The following OR1A1 variants were observed in gnomAD, a reference collection of about 807,000 sequenced individuals.
OR1A1 encodes the protein olfactory receptor 1A1.
For synonymous variants in OR1A1, 145 were observed against 147.8 expected (o/e 0.98, Z 0.13); for missense variants, 391 against 379.9 (o/e 1.03, Z -0.24).
rs564098033 is a variant in OR1A1 at position 3,215,831 on chromosome 17, A to T, written c.211A>T (p.Ile71Phe). 5 of 1,613,992 alleles carry T rather than the reference A, an allele frequency of 3.1e-6. No individual in the cohort carries two copies. The highest frequency in any genetic ancestry group is 4.2e-6 in the Non-Finnish European group (5 of 1,180,032). The part of the protein sequence containing the change: ...FLLANLSLVD[I>F]FFSSVTIPKM... Reference sequence around the variant, plus strand: ...CCTTGCCAACCTCTCCTTGGTTGACATCTTCTTCTCATCGGTAACCATCCC... The same window carrying T: ...CCTTGCCAACCTCTCCTTGGTTGACTTCTTCTTCTCATCGGTAACCATCCC... Residue 71 changes from isoleucine to phenylalanine, a missense_variant, in exon 4 of 4, where the codon ATC becomes TTC. By Grantham distance (21) the Ile-to-Phe change is conservative (BLOSUM62 0). Coordinates refer to ENST00000641732, the MANE Select transcript of OR1A1 (RefSeq NM_014565.3).
Position 3,215,752 on chromosome 17 carries a change from C to T in OR1A1, c.132C>T (p.Leu44=), listed in dbSNP as rs1233653624. Residue 44 remains leucine (L), a synonymous_variant, in exon 4 of 4, where the codon CTC becomes CTT. Transcript: ENST00000641732. The part of the protein sequence containing the change: ...IYPITLIGNL[L]IVLAICSDVR... ...CCATCACATTGATTGGAAACCTGCT[C>T]ATCGTCCTAGCCATTTGCTCTGATG... 2 of 1,614,042 alleles carry T rather than the reference C, an allele frequency of 1.2e-6. No individual in the cohort carries two copies. Among genetic ancestry groups the T allele is most frequent in the Non-Finnish European group, 1.7e-6 (2 of 1,180,036 alleles).
At position 3,218,165 on chromosome 17, in the gene OR1A1, A is replaced by T. The variant is rs1427234735; in HGVS notation, c.*1615A>T. The stretch of plus-strand genomic sequence containing the variant: ...TTTATGCAGCCAATAAACATATGAA[A>T]AAAAGCTCAACATCACTGGTCGTTA... On this transcript the variant is annotated 3_prime_UTR_variant, in exon 4 of 4. Transcript: ENST00000641732. 6.6e-6 allele frequency: 1 copy of T among 152,252 alleles called. No homozygotes were observed. Among genetic ancestry groups the T allele is most frequent in the Non-Finnish European group, 1.5e-5 (1 of 68,034 alleles). The allele number at this position is 152,252 out of a possible 1,614,324, so 9.4% of individuals were successfully genotyped here. A position where few individuals can be genotyped will look rare whatever the true frequency, so the allele number is the denominator to read the frequency against.
intron 2 of OR1A1, among the ~76,000 whole-genome samples, chr17:3,209,263 A>G (rs1018923596): frequency 6.6e-6 from 1 of 151,984 alleles, no homozygotes; most frequent in African/African-American, 2.4e-5. Context: ...TAGCTCCCAC[A>G]TATCAGTGAG....
rs35098574 is a variant in OR1A1, at chr17:3,207,746, A to T, written c.-811A>T. 38,392 of 152,162 alleles carry T rather than the reference A, an allele frequency of 0.25. 5,880 individuals carry two copies. The highest frequency in any genetic ancestry group is 0.56 in the East Asian group (2,895 of 5,144). The allele number at this position is 152,162 out of a possible 1,614,324, so 9.4% of individuals were successfully genotyped here. A position where few individuals can be genotyped will look rare whatever the true frequency, so the allele number is the denominator to read the frequency against. On this transcript the variant is annotated 5_prime_UTR_variant, in exon 1 of 4. Coordinates refer to ENST00000641732, the MANE Select transcript of OR1A1 (RefSeq NM_014565.3). ...ATCCCATTCCTGTGTCCTCCACCTC[A>T]GGAACAGAGGATTGTTCCCCATCCT...
Position 3,217,501 on chromosome 17 carries a change from G to A in OR1A1, c.*951G>A, listed in dbSNP as rs2048476211. 1 of 152,148 alleles carries A rather than the reference G, an allele frequency of 6.6e-6. No homozygotes were observed. The highest frequency in any genetic ancestry group is 1.5e-5 in the Non-Finnish European group (1 of 68,032). The allele number at this position is 152,148 out of a possible 1,614,324, so 9.4% of individuals were successfully genotyped here. A position where few individuals can be genotyped will look rare whatever the true frequency, so the allele number is the denominator to read the frequency against. The stretch of plus-strand genomic sequence containing the variant: ...CATAAGCAAAAAGAACAAAGCTACA[G>A]GCATCATGCTACTTGACTTCAAACT... On this transcript the variant is annotated 3_prime_UTR_variant, in exon 4 of 4. Transcript: ENST00000641732.
chr17:3,209,727 A>T (rs1406407884), intron 2 of OR1A1, among the ~76,000 whole-genome samples: 2 of 152,086 alleles, frequency 1.3e-5, no homozygotes, highest in Non-Finnish European at 2.9e-5. Context: ...CCATGATCAT[A>T]CCACTGCCCT....
rs1448387235 is a variant in OR1A1 at position 3,212,523 on chromosome 17, G to A, written c.-82G>A. ...CCATGATGCCAAGAGCTCCACCTCT[G>A]AACTCACATATCCGTACCATATGAG... On this transcript the variant is annotated 5_prime_UTR_variant, in exon 3 of 4. Transcript: ENST00000641732. 6.6e-6 allele frequency: 1 copy of A among 151,972 alleles called. No homozygotes were observed. Among genetic ancestry groups the A allele is most frequent in the Non-Finnish European group, 1.5e-5 (1 of 67,988 alleles). The allele number at this position is 151,972 out of a possible 1,614,324, so 9.4% of individuals were successfully genotyped here.
At chr17:3,211,427 G>A (rs771143372) in intron 2 of OR1A1, among the ~76,000 whole-genome samples, 2 of 151,530 alleles carry the variant, frequency 1.3e-5, no homozygotes, top group East Asian at 1.9e-4. Flanking sequence ...CTCTGCCCCC[G>A]CAGTTTCAAG....
chr17:3,212,676 A>C (rs1057216827), intron 3 of OR1A1, 77 bp downstream of exon 3: 9 of 152,314 alleles, frequency 5.9e-5, no homozygotes, highest in African/African-American at 2.2e-4. Flanking sequence ...CAGAGATGAG[A>C]AAGTACATCA....
chr17:3,213,498 T>A (rs1436250561), intron 3 of OR1A1: 1 of 152,192 alleles, frequency 6.6e-6, no homozygotes, highest in Non-Finnish European at 1.5e-5. Context: ...TGAGTCAATA[T>A]CTCTTTAGAA....
rs374645346 is a variant in OR1A1, at chr17:3,216,038, T to C, written c.418T>C (p.Ser140Pro). ...CTACACAACAATTATGAGTCCACGGTCTTGTATCTGGCTTATTGCTGGGTC... is the reference window on the plus strand; with the variant it reads ...CTACACAACAATTATGAGTCCACGGCCTTGTATCTGGCTTATTGCTGGGTC... Reference protein sequence around the residue: ...LHYTTIMSPRSCIWLIAGSWV... With the variant: ...LHYTTIMSPRPCIWLIAGSWV... The change falls in exon 4 of 4, where the codon TCT (serine) becomes CCT (proline). Residue 140 changes from serine to proline, a missense_variant. Ser to Pro is a moderately conservative substitution (Grantham distance 74). Transcript: ENST00000641732. The C allele has an allele frequency of 3.3e-4, 528 of 1,614,080 alleles. 4 individuals are homozygous for C. The South Asian group carries it at 5.4e-3, about 16-fold the overall frequency.
At chr17:3,215,584 T>C (rs1567525701) in intron 3 of OR1A1, 32 bp from the exon 4 acceptor site, 1 of 1,469,442 alleles carries the variant, frequency 6.8e-7, no homozygotes, top group Non-Finnish European at 9.5e-7. Context: ...TATGCTAATA[T>C]AATGATATTC....
intron 2 of OR1A1, among the ~76,000 whole-genome samples, chr17:3,210,357 G>A (rs976716394): frequency 1.3e-5 from 2 of 151,952 alleles, no homozygotes; most frequent in South Asian, 2.1e-4. Flanking sequence ...TGTGAATTTC[G>A]ACTTTCCTGG....
At chr17:3,208,071 C>G (rs1259216224) in intron 1 of OR1A1, 71 bp downstream of exon 1, 1 of 152,152 alleles carries the variant, frequency 6.6e-6, no homozygotes, top group Non-Finnish European at 1.5e-5. Flanking sequence ...AAGACACACA[C>G]AGAGATAGTG....
chr17:3,208,189 AGAGAGGAG>A (rs747657176), intron 1 of OR1A1, among the ~76,000 whole-genome samples, 189 bp downstream of exon 1: 1 of 150,906 alleles, frequency 6.6e-6, no homozygotes, highest in Non-Finnish European at 1.5e-5. Flanking sequence ...ATAGAGAGAG[AGAGAGGAG>A]GAGGAGGAGG....
rs1233690536 is a variant in OR1A1, at chr17:3,208,832, C to T, written c.-305C>T. On this transcript the variant is annotated 5_prime_UTR_variant, in exon 2 of 4. Coordinates refer to ENST00000641732, the MANE Select transcript of OR1A1 (RefSeq NM_014565.3). ...GGTCCCTCTTCCAGTATAAATAAAC[C>T]TCCATTTATTCTCAACCTCTTTACA... 1 of 151,978 alleles carries T rather than the reference C, an allele frequency of 6.6e-6. No homozygotes were observed. Among genetic ancestry groups the T allele is most frequent in the African/African-American group, 2.4e-5 (1 of 41,350 alleles). 9.4% of individuals were successfully genotyped at this position (151,978 alleles called of 1,614,324 possible). A position where few individuals can be genotyped will look rare whatever the true frequency, so the allele number is the denominator to read the frequency against.
intron 3 of OR1A1, chr17:3,214,251 C>T (rs1243473302): frequency 6.6e-6 from 1 of 152,148 alleles, no homozygotes; most frequent in Non-Finnish European, 1.5e-5. Context: ...GTAATCCCAG[C>T]ACTTTGGGAG....
At chr17:3,210,157 T>C (rs1567524246) in intron 2 of OR1A1, among the ~76,000 whole-genome samples, 3 of 78,238 alleles carry the variant, frequency 3.8e-5, no homozygotes, top group Non-Finnish European at 9.7e-5. Context: ...TCTTTTTTCT[T>C]TTCCATTTTT....
chr17:3,212,073 T>C (rs2048444848), intron 2 of OR1A1, among the ~76,000 whole-genome samples: 1 of 152,234 alleles, frequency 6.6e-6, no homozygotes, highest in Admixed American at 6.5e-5. Context: ...TTGTAGACAA[T>C]ATTTTCTATG....
Sources: gnomAD v4.1 joint callset for allele counts (sites outside exome capture counted in the v4.1 genomes callset) on GRCh38, gnomAD v4.1.1 for gene constraint, MANE v1.5 for transcripts, NCBI Gene and HGNC (gene_info 2026-07-23, HGNC 2026-07-21) for gene names.